The following PCDH11X variants were observed in gnomAD, a reference collection of about 807,000 sequenced individuals.
The protein encoded by PCDH11X is protocadherin 11 X-linked.
Under a neutral mutation model 53.3 loss-of-function variants are expected in PCDH11X, and 18 were observed. That is an observed-to-expected ratio of 0.34 (90% confidence interval 0.23 to 0.50). The LOEUF (loss-of-function observed/expected upper bound fraction) is 0.50, where lower values mean the gene tolerates loss of function less well. Among genes scored for constraint, PCDH11X ranks in the 20% least tolerant of loss-of-function variants. PCDH11X has a pLI of 0.98. For missense variants in PCDH11X, 570 were observed against 1,032.4 expected (o/e 0.55, Z 6.14); for synonymous variants, 279 against 393.3 (o/e 0.71, Z 3.44).
At chrX:92,257,405 A>AGAC (rs2067616880) in intron 7 of PCDH11X, among the ~76,000 whole-genome samples, 1 of 111,170 alleles carries the variant, frequency 9.0e-6, no homozygotes, top group Non-Finnish European at 1.9e-5. Flanking sequence ...CACATTTCAA[A>AGAC]ATAAAATCAT....
chrX:92,181,930 C>T (rs1341405003), intron 6 of PCDH11X, among the ~76,000 whole-genome samples: 1 of 112,469 alleles, frequency 8.9e-6, no homozygotes, highest in Non-Finnish European at 1.9e-5. Flanking sequence ...TGCCCCCACA[C>T]AGAGTACCCA....
intron 6 of PCDH11X, among the ~76,000 whole-genome samples, chrX:92,064,423 T>G (rs1417663961): frequency 9.1e-6 from 1 of 109,904 alleles, no homozygotes; most frequent in Non-Finnish European, 1.9e-5. Context: ...GAAAAATGTA[T>G]ACACCCATGT....
intron 8 of PCDH11X, among the ~76,000 whole-genome samples, chrX:92,298,323 A>G (rs1437325052): frequency 2.7e-5 from 3 of 111,684 alleles, no homozygotes; most frequent in South Asian, 7.5e-4. Context: ...GGCTCCTTCA[A>G]TGCCTAGTTT....
chrX:92,133,124 T>C (rs973417440), intron 6 of PCDH11X, among the ~76,000 whole-genome samples: 1 of 111,238 alleles, frequency 9.0e-6, no homozygotes, highest in Non-Finnish European at 1.9e-5. Flanking sequence ...TACAATCACA[T>C]CAAGTAGATT....
At chrX:92,477,674 C>T (rs1286110246) in intron 10 of PCDH11X, among the ~76,000 whole-genome samples, 2 of 87,999 alleles carry the variant, frequency 2.3e-5, no homozygotes, top group Non-Finnish European at 4.4e-5. Flanking sequence ...AGTCTTGCCC[C>T]CTACACACAC....
At chrX:92,272,179 C>T (rs1198667344) in intron 8 of PCDH11X, among the ~76,000 whole-genome samples, 3 of 111,728 alleles carry the variant, frequency 2.7e-5, no homozygotes, top group African/African-American at 9.8e-5. Flanking sequence ...TTCTTCTGAA[C>T]ATGTGTTTCT....
At chrX:92,516,794 C>CA (rs2074278523) in intron 10 of PCDH11X, among the ~76,000 whole-genome samples, 1 of 112,252 alleles carries the variant, frequency 8.9e-6, no homozygotes, top group African/African-American at 3.2e-5. Flanking sequence ...ACGACGACAA[C>CA]AACCTCAACC....
intron 8 of PCDH11X, among the ~76,000 whole-genome samples, chrX:92,282,167 T>C (rs762915778): frequency 9.0e-6 from 1 of 111,128 alleles, no homozygotes; most frequent in African/African-American, 3.3e-5. Context: ...AATAATGTTT[T>C]GGAGTTATTT....
intron 6 of PCDH11X, among the ~76,000 whole-genome samples, chrX:92,184,104 G>A (rs140002291): frequency 5.4e-5 from 6 of 111,687 alleles, no homozygotes; most frequent in East Asian, 5.6e-4. Flanking sequence ...AATAGTAGGC[G>A]CTCAGTAAAT....
At chrX:92,379,490 A>G (rs760223031) in intron 8 of PCDH11X, among the ~76,000 whole-genome samples, 187 of 112,943 alleles carry the variant, frequency 1.7e-3, no homozygotes, top group African/African-American at 5.8e-3. Context: ...TGGCATGAAC[A>G]GCCTGGGTGC....
intron 10 of PCDH11X, among the ~76,000 whole-genome samples, chrX:92,514,938 T>A (rs1234750349): frequency 3.0e-5 from 3 of 101,592 alleles, no homozygotes; most frequent in African/African-American, 1.1e-4. Context: ...TCCCAGCTAC[T>A]CGGGAGGCTG....
intron 6 of PCDH11X, among the ~76,000 whole-genome samples, chrX:92,025,099 T>C (rs924045972): frequency 1.1e-4 from 12 of 110,730 alleles, no homozygotes; most frequent in Non-Finnish European, 1.5e-4. Context: ...CAAAAGCAAT[T>C]GCAACAAAAG....
At chrX:92,370,749 C>T (rs760432900) in intron 8 of PCDH11X, among the ~76,000 whole-genome samples, 37 of 111,747 alleles carry the variant, frequency 3.3e-4, no homozygotes, top group African/African-American at 1.1e-3. Flanking sequence ...TGAGCCACTG[C>T]GCCCAGCCAA....
At chrX:92,589,348 G>T (rs1485843871) in intron 10 of PCDH11X, among the ~76,000 whole-genome samples, 1 of 111,591 alleles carries the variant, frequency 9.0e-6, no homozygotes, top group African/African-American at 3.3e-5. Flanking sequence ...AAGACAAAAT[G>T]ATAAACCTAT....
rs189894310 is a variant in PCDH11X, at chrX:92,587,563, T to C, written c.3368-30701T>C. Among the ~76,000 whole-genome samples, 137 of 110,882 alleles carry C rather than the reference T, an allele frequency of 1.2e-3. 1 individual carries two copies. The East Asian group carries it at 0.036, about 29-fold the overall frequency. ...AAAATATTTGTCCAAATGAATTTAA[T>C]ATCATAAGAGCAAATTTTCCTTCTG... On this transcript the variant is annotated intron_variant, in intron 10 of 10. Coordinates refer to ENST00000682573, the MANE Select transcript of PCDH11X (RefSeq NM_032968.5).
At chrX:92,485,668 C>G (rs1352821045) in intron 10 of PCDH11X, among the ~76,000 whole-genome samples, 1 of 111,693 alleles carries the variant, frequency 9.0e-6, no homozygotes, top group Non-Finnish European at 1.9e-5. Context: ...GTTCTCGAAA[C>G]TCATTTTTTT....
chrX:91,988,225 TC>T (rs1287783815), intron 6 of PCDH11X, among the ~76,000 whole-genome samples: 1 of 110,385 alleles, frequency 9.1e-6, no homozygotes, highest in Non-Finnish European at 1.9e-5. Context: ...CTCTCCTTTT[TC>T]TTTCCCTTCT....
Position 92,128,228 on chromosome X carries a change from A to G in PCDH11X, c.3034-73147A>G, listed in dbSNP as rs147108498. 1.8e-3 allele frequency among the ~76,000 whole-genome samples: 188 copies of G among 106,425 alleles called. 5 individuals are homozygous for G. The highest frequency in any genetic ancestry group is 2.3e-3 in the Admixed American group (21 of 9,068). The allele number at this position is 106,425 out of a possible 115,157, so 92.4% of individuals were successfully genotyped here. A position where few individuals can be genotyped will look rare whatever the true frequency, so the allele number is the denominator to read the frequency against. On this transcript the variant is annotated intron_variant, in intron 6 of 10. Coordinates refer to ENST00000682573, the MANE Select transcript of PCDH11X (RefSeq NM_032968.5). Reference sequence around the variant, plus strand: ...ACTAAGTGGTATTTACTGAAAGAGAAAATAAATAATTGATCTTACATCTCT... The same window carrying G: ...ACTAAGTGGTATTTACTGAAAGAGAGAATAAATAATTGATCTTACATCTCT...
chrX:92,157,280 T>G (rs1194126055), intron 6 of PCDH11X, among the ~76,000 whole-genome samples: 3 of 111,466 alleles, frequency 2.7e-5, no homozygotes, highest in Non-Finnish European at 5.6e-5. Flanking sequence ...CTTAACTTTA[T>G]CAAATTGTTT....
Sources: gnomAD v4.1 joint callset for allele counts (sites outside exome capture counted in the v4.1 genomes callset) on GRCh38, gnomAD v4.1.1 for gene constraint, MANE v1.5 for transcripts, NCBI Gene and HGNC (gene_info 2026-07-23, HGNC 2026-07-21) for gene names.